ZNF778: variants seen among roughly 807,000 people sequenced by gnomAD.
ZNF778 encodes zinc finger protein 778.
ZNF778 carries 37 observed loss-of-function variants against 23.9 expected under a neutral mutation model. That is an observed-to-expected ratio of 1.54 (90% CI 1.19 to 2.03). The LOEUF is 2.03. Ranked by LOEUF, ZNF778 falls within the 30% of genes most tolerant of loss-of-function variation. The probability of loss-of-function intolerance (pLI) is 0.00; values close to 1 mark genes in which losing one functional copy is unlikely to be tolerated. For missense variants in ZNF778, 1,297 were observed against 934.4 expected (o/e 1.39, Z -5.06); for synonymous variants, 483 against 343.9 (o/e 1.40, Z -4.48).
rs1341224234 is a variant in ZNF778, at chr16:89,225,636, G to T, written c.405+5G>T. 6.2e-7 allele frequency: 1 copy of T among 1,609,932 alleles called. No individual in the cohort carries two copies. Among genetic ancestry groups the T allele is most frequent in the Non-Finnish European group, 8.5e-7 (1 of 1,177,288 alleles). The stretch of plus-strand genomic sequence containing the variant: ...GCATCAAATGAGACACAGACGGTAA[G>T]ATTAACAAGAGAGATTTTTTTATTT... On this transcript the variant is annotated splice_donor_5th_base_variant and intron_variant, in intron 6 of 6. Transcript: ENST00000433976.
Position 89,228,102 on chromosome 16 carries a change from C to G in ZNF778, c.1814C>G (p.Thr605Ser). 1 of 1,612,972 alleles carries G rather than the reference C, an allele frequency of 6.2e-7. No homozygotes were observed. The highest frequency in any genetic ancestry group is 8.5e-7 in the Non-Finnish European group (1 of 1,179,160). The change falls in exon 7 of 7, where the codon ACC (threonine) becomes AGC (serine). Residue 605 changes from threonine to serine, a missense_variant. Transcript: ENST00000433976. The part of the protein sequence containing the change: ...GKTFTVSSSL[T>S]EHIRTHTGEK... Reference sequence around the variant, plus strand: ...ACATTCACTGTTTCTTCGAGCCTAACCGAGCACATACGAACTCACACTGGA... The same window carrying G: ...ACATTCACTGTTTCTTCGAGCCTAAGCGAGCACATACGAACTCACACTGGA...
In ZNF778 at chr16:89,230,131, C is replaced by A; in HGVS notation, c.*1569C>A. The A allele has an allele frequency of 1.4e-6, 1 of 690,728 alleles. No individual in the cohort carries two copies. Among genetic ancestry groups the A allele is most frequent in the Non-Finnish European group, 1.8e-6 (1 of 562,174 alleles). 42.8% of individuals were successfully genotyped at this position (690,728 alleles called of 1,614,324 possible). ...GGTCCCACACTGGCCAATGTTGGGG[C>A]ATAACACAGCTCTACATTTTATGAA... On this transcript the variant is annotated 3_prime_UTR_variant, in exon 7 of 7. Coordinates refer to ENST00000433976, the MANE Select transcript of ZNF778 (RefSeq NM_001201407.2).
In ZNF778 at chr16:89,231,108, T is replaced by G. The variant is rs74035757; in HGVS notation, c.*2546T>G. ...TTGTGGAGAGGAGTGGGTTGTGCCA[T>G]GTTTCTCTTGTGGGATTGAGTGTGG... On this transcript the variant is annotated 3_prime_UTR_variant, in exon 7 of 7. Coordinates refer to ENST00000433976, the MANE Select transcript of ZNF778 (RefSeq NM_001201407.2). 0.07 allele frequency: 10,662 copies of G among 152,380 alleles called. 968 individuals carry two copies. Among genetic ancestry groups the G allele is most frequent in the African/African-American group, 0.21 (8,713 of 41,538 alleles). 9.4% of individuals were successfully genotyped at this position (152,380 alleles called of 1,614,324 possible).
In ZNF778 at chr16:89,232,755, A is replaced by T; in HGVS notation, c.*4193A>T. ...AGATGGTAAACAACTTGCTGGAAACATGCACTGCATATACAAATCAACTCA... is the reference window on the plus strand; with the variant it reads ...AGATGGTAAACAACTTGCTGGAAACTTGCACTGCATATACAAATCAACTCA... On this transcript the variant is annotated 3_prime_UTR_variant, in exon 7 of 7. Coordinates refer to ENST00000433976, the MANE Select transcript of ZNF778 (RefSeq NM_001201407.2). 7.8e-7 allele frequency: 1 copy of T among 1,286,390 alleles called. No individual in the cohort carries two copies. The highest frequency in any genetic ancestry group is 1.0e-6 in the Non-Finnish European group (1 of 986,252). 79.7% of individuals were successfully genotyped at this position (1,286,390 alleles called of 1,614,324 possible).
In ZNF778 at chr16:89,232,870, A is replaced by G. The variant is rs1359010024; in HGVS notation, c.*4308A>G. On this transcript the variant is annotated 3_prime_UTR_variant, in exon 7 of 7. Coordinates refer to ENST00000433976, the MANE Select transcript of ZNF778 (RefSeq NM_001201407.2). ...ACACCGTGTATGCAAATCAACTCGC[A>G]CTGCGTATGCAACTCAACTCGCACT... 3 of 1,220,588 alleles carry G rather than the reference A, an allele frequency of 2.5e-6. No homozygotes were observed. Among genetic ancestry groups the G allele is most frequent in the Non-Finnish European group, 3.1e-6 (3 of 963,536 alleles). 75.6% of individuals were successfully genotyped at this position (1,220,588 alleles called of 1,614,324 possible). A position where few individuals can be genotyped will look rare whatever the true frequency, so the allele number is the denominator to read the frequency against.
chr16:89,233,624 C>T lies in ZNF778; in HGVS notation c.*5062C>T. On this transcript the variant is annotated 3_prime_UTR_variant, in exon 7 of 7. Transcript: ENST00000433976. ...CATACTGCATATGCAACTCAACTCA[C>T]ACTGTATGCAACTCAGCTCGCTCTG... 9.8e-6 allele frequency: 11 copies of T among 1,125,680 alleles called. No individual in the cohort carries two copies. The highest frequency in any genetic ancestry group is 5.6e-5 in the South Asian group (4 of 71,200). The allele number at this position is 1,125,680 out of a possible 1,614,324, so 69.7% of individuals were successfully genotyped here.
In ZNF778 at chr16:89,228,464, G is replaced by C. The variant is rs1294466344; in HGVS notation, c.2176G>C (p.Glu726Gln). Residue 726 changes from glutamate (E) to glutamine (Q), a missense_variant, in exon 7 of 7, where the codon GAG becomes CAG. Coordinates refer to ENST00000433976, the MANE Select transcript of ZNF778 (RefSeq NM_001201407.2). ...LKEHLKTYTE[E>Q]QVFVCKDCGK... ...AGAACATTTAAAAACTTACACTGAAGAGCAGGTTTTTGTATGTAAGGACTG... is the reference window on the plus strand; with the variant it reads ...AGAACATTTAAAAACTTACACTGAACAGCAGGTTTTTGTATGTAAGGACTG... The C allele has an allele frequency of 6.2e-7, 1 of 1,613,632 alleles. No individual in the cohort carries two copies. The highest frequency in any genetic ancestry group is 2.2e-5 in the East Asian group (1 of 44,888).
At position 89,233,018 on chromosome 16, in the gene ZNF778, A is replaced by G; in HGVS notation, c.*4456A>G. 1 of 1,274,636 alleles carries G rather than the reference A, an allele frequency of 7.8e-7. No individual in the cohort carries two copies. Among genetic ancestry groups the G allele is most frequent in the Non-Finnish European group, 1.0e-6 (1 of 982,342 alleles). The allele number at this position is 1,274,636 out of a possible 1,614,324, so 79.0% of individuals were successfully genotyped here. A position where few individuals can be genotyped will look rare whatever the true frequency, so the allele number is the denominator to read the frequency against. ...CAACCCAGCTCGCTCTGCGTATGCA[A>G]CTCAAGTCGCACTGCGTATGCAACT... is the stretch of plus-strand genomic sequence containing the variant. On this transcript the variant is annotated 3_prime_UTR_variant, in exon 7 of 7. Coordinates refer to ENST00000433976, the MANE Select transcript of ZNF778 (RefSeq NM_001201407.2).
At position 89,224,488 on chromosome 16, in the gene ZNF778, G is replaced by A. The variant is rs148327716; in HGVS notation, c.245-231G>A. Reference sequence around the variant, plus strand: ...CAAAAAACTAGCCAGGCGTGGTGGCGGGCACCTATAGTCCCAGCTACTTAG... The same window carrying A: ...CAAAAAACTAGCCAGGCGTGGTGGCAGGCACCTATAGTCCCAGCTACTTAG... On this transcript the variant is annotated intron_variant, in intron 4 of 6. Transcript: ENST00000433976. 3,590 of 399,746 alleles carry A rather than the reference G, an allele frequency of 9.0e-3. 103 individuals are homozygous for A. Among genetic ancestry groups the A allele is most frequent in the African/African-American group, 0.066 (3,284 of 49,776 alleles). 24.8% of individuals were successfully genotyped at this position (399,746 alleles called of 1,614,324 possible).
At chr16:89,224,329 C>G (rs1276803951) in intron 4 of ZNF778, among the ~76,000 whole-genome samples, 1 of 152,160 alleles carries the variant, frequency 6.6e-6, no homozygotes, top group Non-Finnish European at 1.5e-5. Context: ...AATCCGAGCA[C>G]TCTGGGACGC....
chr16:89,234,135 C>A lies in ZNF778; in HGVS notation c.*5573C>A. ...CTTGACACTGTGAGTGATAAACTTT[C>A]CATGTCAGGAACCTGTGTGTGTCAC... On this transcript the variant is annotated 3_prime_UTR_variant, in exon 7 of 7. Transcript: ENST00000433976. The A allele has an allele frequency of 2.2e-6, 1 of 460,364 alleles. No individual in the cohort carries two copies. Among genetic ancestry groups the A allele is most frequent in the Non-Finnish European group, 4.2e-6 (1 of 239,852 alleles). 28.5% of individuals were successfully genotyped at this position (460,364 alleles called of 1,614,324 possible).
chr16:89,235,492 G>C lies in ZNF778; in HGVS notation c.*6930G>C, dbSNP rs919159746. ...GCAGTTCTGCGTAGGCTTTAAGACAGAATCAACATGGAAAGCACGACCCAC... is the reference window on the plus strand; with the variant it reads ...GCAGTTCTGCGTAGGCTTTAAGACACAATCAACATGGAAAGCACGACCCAC... On this transcript the variant is annotated 3_prime_UTR_variant, in exon 7 of 7. Coordinates refer to ENST00000433976, the MANE Select transcript of ZNF778 (RefSeq NM_001201407.2). The C allele has an allele frequency of 1.3e-5, 2 of 152,148 alleles. No individual in the cohort carries two copies. Among genetic ancestry groups the C allele is most frequent in the Non-Finnish European group, 2.9e-5 (2 of 68,038 alleles). 9.4% of individuals were successfully genotyped at this position (152,148 alleles called of 1,614,324 possible).
chr16:89,227,966 C>T lies in ZNF778; in HGVS notation c.1678C>T (p.Pro560Ser), dbSNP rs773149641. The T allele has an allele frequency of 1.3e-6, 2 of 1,589,832 alleles. No homozygotes were observed. Among genetic ancestry groups the T allele is most frequent in the Admixed American group, 1.7e-5 (1 of 57,946 alleles). ...TGTGAAAACTCACACAGAGGAGAAG[C>T]CCTTTATATGTACGGTATGCAGGAA... ...EHVKTHTEEK[P>S]FICTVCRKSF... The change falls in exon 7 of 7, where the codon CCC becomes TCC. Residue 560 changes from proline (P) to serine (S), a missense_variant. By Grantham distance (74) the Pro-to-Ser change is moderately conservative. Transcript: ENST00000433976.
chr16:89,235,183 A>AT lies in ZNF778; in HGVS notation c.*6625dup, dbSNP rs2032202917. The AT allele has an allele frequency of 6.6e-6, 1 of 151,946 alleles. No homozygotes were observed. Among genetic ancestry groups the AT allele is most frequent in the Non-Finnish European group, 1.5e-5 (1 of 67,994 alleles). The allele number at this position is 151,946 out of a possible 1,614,324, so 9.4% of individuals were successfully genotyped here. ...TTTTTTTAATGAAGAAAAGAGGTTTATTTTGTTCACAATTCTGAAGGCCTG... is the reference window on the plus strand; with the variant it reads ...TTTTTTTAATGAAGAAAAGAGGTTTATTTTTGTTCACAATTCTGAAGGCCTG... On this transcript the variant is annotated 3_prime_UTR_variant, in exon 7 of 7. Transcript: ENST00000433976.
Position 89,228,940 on chromosome 16 carries a change from A to G in ZNF778, c.*378A>G, listed in dbSNP as rs1279285265. ...ATTACATCTTTCCTCACCCTTTAGT[A>G]AACGTGGTGATTGACACTTGAAGTG... On this transcript the variant is annotated 3_prime_UTR_variant, in exon 7 of 7. Transcript: ENST00000433976. 34 of 1,006,696 alleles carry G rather than the reference A, an allele frequency of 3.4e-5. No homozygotes were observed. Among genetic ancestry groups the G allele is most frequent in the Non-Finnish European group, 3.7e-5 (31 of 843,644 alleles). 62.4% of individuals were successfully genotyped at this position (1,006,696 alleles called of 1,614,324 possible). A position where few individuals can be genotyped will look rare whatever the true frequency, so the allele number is the denominator to read the frequency against.
Position 89,227,824 on chromosome 16 carries a change from A to G in ZNF778, c.1536A>G (p.Lys512=). The change falls in exon 7 of 7, where the codon AAA becomes AAG. Residue 512 remains lysine (K), a synonymous_variant. Transcript: ENST00000433976. ...EKPYECKQCG[K]AFTGRSGLTK... is the part of the protein sequence containing the mutation. ...CCTACGAATGTAAGCAGTGTGGCAAAGCCTTCACAGGGCGCTCAGGCCTCA... is the reference window on the plus strand; with the variant it reads ...CCTACGAATGTAAGCAGTGTGGCAAGGCCTTCACAGGGCGCTCAGGCCTCA... 1.9e-6 allele frequency: 3 copies of G among 1,614,052 alleles called. No homozygotes were observed. The highest frequency in any genetic ancestry group is 1.1e-5 in the South Asian group (1 of 91,076).
In ZNF778 at chr16:89,233,648, T is replaced by C. The variant is rs1376738982; in HGVS notation, c.*5086T>C. ...ACACTGTATGCAACTCAGCTCGCTCTGCATATGCAATTCAACTCGCACTGC... is the reference window on the plus strand; with the variant it reads ...ACACTGTATGCAACTCAGCTCGCTCCGCATATGCAATTCAACTCGCACTGC... On this transcript the variant is annotated 3_prime_UTR_variant, in exon 7 of 7. Transcript: ENST00000433976. 1 of 1,281,846 alleles carries C rather than the reference T, an allele frequency of 7.8e-7. No individual in the cohort carries two copies. Among genetic ancestry groups the C allele is most frequent in the Admixed American group, 2.3e-5 (1 of 42,594 alleles). The allele number at this position is 1,281,846 out of a possible 1,614,324, so 79.4% of individuals were successfully genotyped here. A position where few individuals can be genotyped will look rare whatever the true frequency, so the allele number is the denominator to read the frequency against.
chr16:89,221,691 G>A (rs1371880331), intron 2 of ZNF778, among the ~76,000 whole-genome samples: 1 of 150,746 alleles, frequency 6.6e-6, no homozygotes, highest in African/African-American at 2.4e-5. Flanking sequence ...GTTTATGGCT[G>A]TATGTGTGTG....
chr16:89,217,806 G>C lies in ZNF778; in HGVS notation c.-236G>C, dbSNP rs2030486254. On this transcript the variant is annotated 5_prime_UTR_variant, in exon 1 of 7. Transcript: ENST00000433976. ...CGGGGAAGCTGGTCCGGGAGTGGGC[G>C]CCCGCCCGCCTGCCTCGCGCCTTGC... The C allele has an allele frequency of 6.6e-6, 1 of 152,196 alleles. No individual in the cohort carries two copies. The highest frequency in any genetic ancestry group is 1.5e-5 in the Non-Finnish European group (1 of 68,018). The allele number at this position is 152,196 out of a possible 1,614,324, so 9.4% of individuals were successfully genotyped here. A position where few individuals can be genotyped will look rare whatever the true frequency, so the allele number is the denominator to read the frequency against.
Sources: gnomAD v4.1 joint callset for allele counts (sites outside exome capture counted in the v4.1 genomes callset) on GRCh38, gnomAD v4.1.1 for gene constraint, MANE v1.5 for transcripts, NCBI Gene and HGNC (gene_info 2026-07-23, HGNC 2026-07-21) for gene names.